The following CDH12 variants were observed in gnomAD, a reference collection of about 807,000 sequenced individuals.
The protein encoded by CDH12 is cadherin-12.
CDH12 carries 41 observed loss-of-function variants against 74.1 expected under a neutral mutation model. That is an observed-to-expected ratio of 0.55 (90% CI 0.43 to 0.72). CDH12 has a LOEUF of 0.72. Ranked by LOEUF, CDH12 falls within the 30% of genes least tolerant of loss-of-function variation. The probability of loss-of-function intolerance (pLI) is 0.00; values close to 1 mark genes in which losing one functional copy is unlikely to be tolerated. For synonymous variants in CDH12, 399 were observed against 355.0 expected, an observed-to-expected ratio of 1.12 and a Z score of -1.39; for missense variants, 945 against 977.2, an observed-to-expected ratio of 0.97 and a Z score of 0.44.
intron 1 of CDH12, among the ~76,000 whole-genome samples, chr5:22,698,934 CTT>C (rs1481195648): frequency 5.3e-5 from 8 of 151,586 alleles, no homozygotes; most frequent in Middle Eastern, 3.4e-3. Flanking sequence ...ACCAATATTT[CTT>C]TGTGTTTGAT....
chr5:21,889,379 G>A (rs10076601), intron 6 of CDH12, among the ~76,000 whole-genome samples: 24,157 of 152,062 alleles, frequency 0.16, 2,090 homozygotes, highest in South Asian at 0.2. Flanking sequence ...TTCAGATCAG[G>A]AGGCCCCCTA....
chr5:21,817,207 T>G (rs1210845865), intron 8 of CDH12, 75 bp from the exon 9 acceptor site: 35 of 954,086 alleles, frequency 3.7e-5, no homozygotes, highest in Non-Finnish European at 5.5e-5. Flanking sequence ...GCTTGAAAAA[T>G]AGAGTCCACT....
intron 8 of CDH12, among the ~76,000 whole-genome samples, chr5:21,839,797 C>A (rs759680301): frequency 2.0e-5 from 3 of 152,048 alleles, no homozygotes; most frequent in African/African-American, 4.8e-5. Flanking sequence ...TAATTAAGAT[C>A]CTTATACAAC....
intron 3 of CDH12, among the ~76,000 whole-genome samples, chr5:22,313,370 A>G (rs1371759890): frequency 6.6e-6 from 1 of 152,234 alleles, no homozygotes; most frequent in Non-Finnish European, 1.5e-5. Context: ...AGGGATATGA[A>G]ACTTTAAAAT....
intron 3 of CDH12, among the ~76,000 whole-genome samples, chr5:22,356,293 A>G (rs1193577483): frequency 6.6e-6 from 1 of 152,206 alleles, no homozygotes. Context: ...TGACATTATA[A>G]ATTAGGATAA....
rs145328187 is a variant in CDH12 at position 22,733,376 on chromosome 5, A to G, written c.-523+119682T>C. On this transcript the variant is annotated intron_variant, in intron 1 of 14. Transcript: ENST00000382254. ...TACGTTAAAAAAGGAGCAAAATTCA[A>G]AAAATATGCATTTATATGAAGTGAT... Among the ~76,000 whole-genome samples the G allele has an allele frequency of 2.2e-4, 34 of 152,032 alleles. 1 individual carries two copies. The East Asian group carries it at 6.6e-3, about 29-fold the overall frequency.
At chr5:22,054,481 G>T (rs1254756010) in intron 5 of CDH12, among the ~76,000 whole-genome samples, 1 of 151,962 alleles carries the variant, frequency 6.6e-6, no homozygotes, top group East Asian at 1.9e-4. Flanking sequence ...GTTCTTAAAA[G>T]AACTAATAGA....
At chr5:22,043,879 C>T (rs571048885) in intron 5 of CDH12, among the ~76,000 whole-genome samples, 140 of 152,038 alleles carry the variant, frequency 9.2e-4, no homozygotes, top group African/African-American at 3.1e-3. Flanking sequence ...TAAATTTAGC[C>T]ATGAAGGAAA....
intron 1 of CDH12, among the ~76,000 whole-genome samples, chr5:22,506,662 C>G (rs1007539294): frequency 3.3e-5 from 5 of 151,880 alleles, no homozygotes; most frequent in African/African-American, 1.2e-4. Context: ...AAACCAAGAT[C>G]TGACTACTAG....
chr5:22,547,734 A>G (rs184330759), intron 1 of CDH12, among the ~76,000 whole-genome samples: 10 of 152,314 alleles, frequency 6.6e-5, no homozygotes, highest in African/African-American at 2.4e-4. Flanking sequence ...ATTAACATCA[A>G]TTATAGCTTA....
At chr5:22,815,058 G>T (rs1018868441) in intron 1 of CDH12, among the ~76,000 whole-genome samples, 2 of 152,112 alleles carry the variant, frequency 1.3e-5, no homozygotes, top group Non-Finnish European at 2.9e-5. Context: ...AGAAGAGAGG[G>T]TTCAACTTTT....
intron 3 of CDH12, among the ~76,000 whole-genome samples, chr5:22,390,683 G>A (rs989933381): frequency 1.3e-5 from 2 of 152,002 alleles, no homozygotes; most frequent in Non-Finnish European, 2.9e-5. Context: ...TCTAGGTTTA[G>A]GGAAGCAGCT....
intron 8 of CDH12, among the ~76,000 whole-genome samples, chr5:21,817,676 T>C (rs1455822824): frequency 6.6e-6 from 1 of 152,008 alleles, no homozygotes; most frequent in Non-Finnish European, 1.5e-5. Context: ...AAAATTCTAG[T>C]CGATGATAGA....
intron 5 of CDH12, among the ~76,000 whole-genome samples, chr5:22,021,835 C>A (rs1417095645): frequency 2.6e-5 from 4 of 152,062 alleles, no homozygotes; most frequent in Non-Finnish European, 5.9e-5. Flanking sequence ...TGGCTGTCCA[C>A]ATTATTTATT....
intron 5 of CDH12, among the ~76,000 whole-genome samples, chr5:22,064,546 T>C (rs1282587935): frequency 6.6e-6 from 1 of 152,126 alleles, no homozygotes; most frequent in African/African-American, 2.4e-5. Context: ...CAATAGTCCT[T>C]GGTGTGACGG....
At chr5:22,108,658 G>A (rs1744639061) in intron 4 of CDH12, among the ~76,000 whole-genome samples, 1 of 152,158 alleles carries the variant, frequency 6.6e-6, no homozygotes, top group Non-Finnish European at 1.5e-5. Flanking sequence ...AAAGTAGATA[G>A]GAACTCATCA....
chr5:22,341,894 A>G (rs1739867346), intron 3 of CDH12, among the ~76,000 whole-genome samples: 1 of 152,066 alleles, frequency 6.6e-6, no homozygotes, highest in Admixed American at 6.6e-5. Flanking sequence ...TGCAAGCAAA[A>G]GATGGAGAGA....
At chr5:22,189,008 G>C (rs1199171298) in intron 4 of CDH12, among the ~76,000 whole-genome samples, 1 of 152,092 alleles carries the variant, frequency 6.6e-6, no homozygotes, top group East Asian at 1.9e-4. Context: ...TGCTGAAAAT[G>C]CTCCCCAAAC....
intron 6 of CDH12, among the ~76,000 whole-genome samples, chr5:21,857,125 C>A (rs911437349): frequency 6.6e-6 from 1 of 151,740 alleles, no homozygotes; most frequent in Non-Finnish European, 1.5e-5. Flanking sequence ...CCGAGGACTA[C>A]CTTTTTCAGT....
Sources: gnomAD v4.1 joint callset for allele counts (sites outside exome capture counted in the v4.1 genomes callset) on GRCh38, gnomAD v4.1.1 for gene constraint, MANE v1.5 for transcripts, NCBI Gene and HGNC (gene_info 2026-07-23, HGNC 2026-07-21) for gene names.